RAB15: variants seen among roughly 807,000 people sequenced by gnomAD.
RAB15 encodes ras-related protein Rab-15.
In RAB15, 13 loss-of-function variants were observed where a neutral mutation model predicts 31.8. The ratio of observed to expected loss-of-function variants is 0.41; its 90% confidence interval spans 0.27 to 0.65. RAB15 has a LOEUF of 0.65. RAB15 is among the 30% of genes least tolerant of loss of function. The pLI is 0.32. For synonymous variants in RAB15, 100 were observed against 105.6 expected, an observed-to-expected ratio of 0.95 and a Z score of 0.33; for missense variants, 220 against 277.3, an observed-to-expected ratio of 0.79 and a Z score of 1.47.
chr14:64,963,109 CTTTTTTTTTTTT>C (rs1165246293), intron 1 of RAB15, among the ~76,000 whole-genome samples: 5 of 96,402 alleles, frequency 5.2e-5, no homozygotes, highest in South Asian at 3.6e-4. Flanking sequence ...CCCTTCCCCA[CTTTTTTTTTTTT>C]TTTTTTTTTT....
rs1886338990 is a variant in RAB15 at position 64,952,898 on chromosome 14, G to C, written c.125-327C>G. ...ATGTCTCGTTCTAGTCATGTGTGAA[G>C]TCTTCCTATTTATACTTCTGGAGAG... On this transcript the variant is annotated intron_variant, in intron 1 of 6. Coordinates refer to ENST00000533601, the MANE Select transcript of RAB15 (RefSeq NM_001308154.2). The surrounding 1 kb of genome is among the most constrained non-coding windows in gnomAD (Gnocchi z 4.2). 6.6e-6 allele frequency among the ~76,000 whole-genome samples: 1 copy of C among 152,222 alleles called. No individual in the cohort carries two copies. Among genetic ancestry groups the C allele is most frequent in the African/African-American group, 2.4e-5 (1 of 41,442 alleles).
rs1275921105 is a variant in RAB15 at position 64,953,219 on chromosome 14, T to C, written c.125-648A>G. Among the ~76,000 whole-genome samples, 1 of 152,204 alleles carries C rather than the reference T, an allele frequency of 6.6e-6. No individual in the cohort carries two copies. The highest frequency in any genetic ancestry group is 6.5e-5 in the Admixed American group (1 of 15,282). On this transcript the variant is annotated intron_variant, in intron 1 of 6. Coordinates refer to ENST00000533601, the MANE Select transcript of RAB15 (RefSeq NM_001308154.2). The surrounding 1 kb of genome is among the most constrained non-coding windows in gnomAD (Gnocchi z 4.6). ...ATGGGCTTTGGTGTCAGGCCTGAGC[T>C]TATCTCCTCCCTCTGGCCACTCATA...
At position 64,971,890 on chromosome 14, in the gene RAB15, G is replaced by A. The variant is rs573684753; in HGVS notation, c.124+63C>T. On this transcript the variant is annotated intron_variant, in intron 1 of 6. Coordinates refer to ENST00000533601, the MANE Select transcript of RAB15 (RefSeq NM_001308154.2). The surrounding 1 kb of genome is among the most constrained non-coding windows in gnomAD (Gnocchi z 4.1). ...GGCAATTCCTCCCCAGCTGGGGACGGGGGCGGCGGGGAAAGGGGCCGCGGG... is the reference window on the plus strand; with the variant it reads ...GGCAATTCCTCCCCAGCTGGGGACGAGGGCGGCGGGGAAAGGGGCCGCGGG... 9.7e-5 allele frequency: 143 copies of A among 1,478,920 alleles called. 3 individuals are homozygous for A. In the South Asian group the frequency reaches 1.6e-3, roughly 16 times the overall value. The allele number at this position is 1,478,920 out of a possible 1,614,324, so 91.6% of individuals were successfully genotyped here.
chr14:64,950,295 G>A lies in RAB15; in HGVS notation c.414+30C>T. On this transcript the variant is annotated intron_variant, in intron 5 of 6. Coordinates refer to ENST00000533601, the MANE Select transcript of RAB15 (RefSeq NM_001308154.2). The surrounding 1 kb of genome is among the most constrained non-coding windows in gnomAD (Gnocchi z 5.6). ...GCCCTGGAGGCCCAGCAGAGGACCT[G>A]GGGTGGACTTGCCTTTTCCCTCCAC... 6.3e-7 allele frequency: 1 copy of A among 1,579,684 alleles called. No homozygotes were observed. The highest frequency in any genetic ancestry group is 8.7e-7 in the Non-Finnish European group (1 of 1,149,200).
chr14:64,952,490 T>G lies in RAB15; in HGVS notation c.185+21A>C, dbSNP rs986782167. The G allele has an allele frequency of 2.9e-5, 45 of 1,577,984 alleles. No individual in the cohort carries two copies. Among genetic ancestry groups the G allele is most frequent in the Non-Finnish European group, 3.8e-5 (44 of 1,149,702 alleles). ...GAAGTCCTCTTCTCCTACATCTGCC[T>G]CCTCCTCCTCCCCAGCTCACCAGAT... On this transcript the variant is annotated intron_variant, in intron 2 of 6. Transcript: ENST00000533601. This position sits in a 1 kb window ranked among gnomAD's most constrained non-coding sequence, Gnocchi z 4.2.
intron 1 of RAB15, among the ~76,000 whole-genome samples, chr14:64,963,109 CTTTTTTTTTTT>C (rs1165246293): frequency 3.1e-5 from 3 of 96,400 alleles, no homozygotes; most frequent in Admixed American, 1.1e-4. Context: ...CCCTTCCCCA[CTTTTTTTTTTT>C]TTTTTTTTTT....
chr14:64,962,910 A>C lies in RAB15; in HGVS notation c.124+9043T>G. On this transcript the variant is annotated intron_variant, in intron 1 of 6. Transcript: ENST00000533601. This position sits in a 1 kb window ranked among gnomAD's most constrained non-coding sequence, Gnocchi z 4.2. ...TTCAATAGCACTTACACTTGTCTGG[A>C]GGCGTGAACCTGAAGAATACACCAA... Among the ~76,000 whole-genome samples the C allele has an allele frequency of 6.6e-6, 1 of 152,110 alleles. No individual in the cohort carries two copies. Among genetic ancestry groups the C allele is most frequent in the East Asian group, 1.9e-4 (1 of 5,192 alleles).
In RAB15 at chr14:64,955,916, G is replaced by C. The variant is rs1412460963; in HGVS notation, c.125-3345C>G. Among the ~76,000 whole-genome samples the C allele has an allele frequency of 6.6e-6, 1 of 152,178 alleles. No individual in the cohort carries two copies. The highest frequency in any genetic ancestry group is 1.9e-4 in the East Asian group (1 of 5,192). ...TAAGGTCATATTTCTCAAACTTCCA[G>C]GTGCATGAGAATCACGCGGGGATTG... On this transcript the variant is annotated intron_variant, in intron 1 of 6. Transcript: ENST00000533601. The surrounding 1 kb of genome is among the most constrained non-coding windows in gnomAD (Gnocchi z 4.4).
intron 1 of RAB15, among the ~76,000 whole-genome samples, chr14:64,967,386 A>C (rs889501048): frequency 5.3e-5 from 8 of 152,172 alleles, no homozygotes; most frequent in African/African-American, 1.9e-4. Context: ...CAGGAGTTCG[A>C]GACCAGCCTG....
chr14:64,948,382 G>C lies in RAB15; in HGVS notation c.611C>G (p.Ala204Gly). ...GCACCAGCAGGTTTTCGAAGAGTTC[G>C]CTGGGCCCTCGGGTTTGCCCTCCTC... Reference protein sequence around the residue: ...EEEEGKPEGPANSSKTCWC With the variant: ...EEEEGKPEGPGNSSKTCWC Residue 204 changes from alanine to glycine, a missense_variant, in exon 7 of 7, where the codon GCG becomes GGG. Transcript: ENST00000533601. This position sits in a 1 kb window ranked among gnomAD's most constrained non-coding sequence, Gnocchi z 7.0. 3 of 1,601,578 alleles carry C rather than the reference G, an allele frequency of 1.9e-6. No homozygotes were observed. The highest frequency in any genetic ancestry group is 2.6e-6 in the Non-Finnish European group (3 of 1,175,452).
rs1887384678 is a variant in RAB15, at chr14:64,970,929, G to C, written c.124+1024C>G. 6.6e-6 allele frequency among the ~76,000 whole-genome samples: 1 copy of C among 152,156 alleles called. No homozygotes were observed. ...ATGGTGTGGACATGAATCCTCAAGA[G>C]GAAGCTGAGAGCTGGTGCCCATCCC... is the stretch of plus-strand genomic sequence containing the variant. On this transcript the variant is annotated intron_variant, in intron 1 of 6. Transcript: ENST00000533601. This position sits in a 1 kb window ranked among gnomAD's most constrained non-coding sequence, Gnocchi z 4.1.
Position 64,946,888 on chromosome 14 carries a change from G to A in RAB15, c.*1466C>T, listed in dbSNP as rs3759681. 0.31 allele frequency: 47,526 copies of A among 152,346 alleles called. 7,974 individuals carry two copies. Among genetic ancestry groups the A allele is most frequent in the East Asian group, 0.65 (3,367 of 5,146 alleles). The allele number at this position is 152,346 out of a possible 1,614,324, so 9.4% of individuals were successfully genotyped here. On this transcript the variant is annotated 3_prime_UTR_variant, in exon 7 of 7. Coordinates refer to ENST00000533601, the MANE Select transcript of RAB15 (RefSeq NM_001308154.2). The stretch of plus-strand genomic sequence containing the variant: ...GTTCCGTCTTTAAAGGGCCTCCTAC[G>A]AGCTACTCTTGGGCCATATGGGGTT...
rs1886185443 is a variant in RAB15 at position 64,950,434 on chromosome 14, A to G, written c.325-20T>C. The G allele has an allele frequency of 6.3e-7, 1 of 1,599,250 alleles. No homozygotes were observed. The highest frequency in any genetic ancestry group is 1.7e-5 in the Admixed American group (1 of 59,986). ...TGCGTACTAGGGACAAAGGATGGGC[A>G]GAACAGCCAGTGAGTGCTGCCTGCC... On this transcript the variant is annotated intron_variant, in intron 4 of 6. Transcript: ENST00000533601. This position sits in a 1 kb window ranked among gnomAD's most constrained non-coding sequence, Gnocchi z 5.6.
rs1886506599 is a variant in RAB15, at chr14:64,955,579, A to T, written c.125-3008T>A. On this transcript the variant is annotated intron_variant, in intron 1 of 6. Transcript: ENST00000533601. The surrounding 1 kb of genome is among the most constrained non-coding windows in gnomAD (Gnocchi z 4.4). ...TGTGTTCACCTATCACTGTCCCCCCACTGAAGACTTCAGCTCCAGGGCACC... is the reference window on the plus strand; with the variant it reads ...TGTGTTCACCTATCACTGTCCCCCCTCTGAAGACTTCAGCTCCAGGGCACC... 6.6e-6 allele frequency among the ~76,000 whole-genome samples: 1 copy of T among 151,786 alleles called. No individual in the cohort carries two copies. Among genetic ancestry groups the T allele is most frequent in the South Asian group, 2.1e-4 (1 of 4,814 alleles).
chr14:64,971,946 C>G lies in RAB15; in HGVS notation c.124+7G>C. The G allele has an allele frequency of 6.4e-7, 1 of 1,564,564 alleles. No individual in the cohort carries two copies. Among genetic ancestry groups the G allele is most frequent in the East Asian group, 2.4e-5 (1 of 41,610 alleles). On this transcript the variant is annotated splice_region_variant and intron_variant, in intron 1 of 6. Transcript: ENST00000533601. This position sits in a 1 kb window ranked among gnomAD's most constrained non-coding sequence, Gnocchi z 4.1. ...AGGGAGGGGCGCCCCGGGCCACCGC[C>G]CCTTACCGATGGTGGAGATGTGCGA...
At chr14:64,957,767 T>C (rs1440948770) in intron 1 of RAB15, among the ~76,000 whole-genome samples, 2 of 152,052 alleles carry the variant, frequency 1.3e-5, no homozygotes, top group Admixed American at 6.5e-5. Flanking sequence ...CCACCCAGGG[T>C]ATGCTTCACT....
In RAB15 at chr14:64,955,524, C is replaced by A. The variant is rs1233832159; in HGVS notation, c.125-2953G>T. Among the ~76,000 whole-genome samples the A allele has an allele frequency of 6.6e-6, 1 of 152,236 alleles. No homozygotes were observed. The highest frequency in any genetic ancestry group is 1.5e-5 in the Non-Finnish European group (1 of 68,042). On this transcript the variant is annotated intron_variant, in intron 1 of 6. Transcript: ENST00000533601. The surrounding 1 kb of genome is among the most constrained non-coding windows in gnomAD (Gnocchi z 4.4). ...GCTTTCTCACCTTGGCCAGCCCTCG[C>A]AGCTGCTTAGCAAACTGTTTATTCA...
chr14:64,953,823 G>T lies in RAB15; in HGVS notation c.125-1252C>A. 1.0e-6 allele frequency: 1 copy of T among 985,360 alleles called. No individual in the cohort carries two copies. The highest frequency in any genetic ancestry group is 1.2e-6 in the Non-Finnish European group (1 of 829,892). 61.0% of individuals were successfully genotyped at this position (985,360 alleles called of 1,614,324 possible). A position where few individuals can be genotyped will look rare whatever the true frequency, so the allele number is the denominator to read the frequency against. The stretch of plus-strand genomic sequence containing the variant: ...ACTCCCTGGAGCAAGGTCAGGAGTG[G>T]GCATGATCAGCCACAGTTTTCAGAT... On this transcript the variant is annotated intron_variant, in intron 1 of 6. Coordinates refer to ENST00000533601, the MANE Select transcript of RAB15 (RefSeq NM_001308154.2). The surrounding 1 kb of genome is among the most constrained non-coding windows in gnomAD (Gnocchi z 4.6).
rs1371462846 is a variant in RAB15 at position 64,951,521 on chromosome 14, G to A, written c.246+82C>T. ...CAGGCGAACTGTATTTAGGGGATCC[G>A]TGGCACAGACATCTCAAATACCCAG... On this transcript the variant is annotated intron_variant, in intron 3 of 6. Coordinates refer to ENST00000533601, the MANE Select transcript of RAB15 (RefSeq NM_001308154.2). The surrounding 1 kb of genome is among the most constrained non-coding windows in gnomAD (Gnocchi z 7.2). 1.3e-5 allele frequency: 17 copies of A among 1,268,020 alleles called. No individual in the cohort carries two copies. In the Admixed American group the frequency reaches 1.7e-4, roughly 13 times the overall value. The allele number at this position is 1,268,020 out of a possible 1,614,324, so 78.5% of individuals were successfully genotyped here.
Sources: allele counts gnomAD v4.1 joint callset (sites outside exome capture counted in the v4.1 genomes callset), GRCh38; gene constraint gnomAD v4.1.1; non-coding constraint Gnocchi (gnomAD v3.1); transcripts MANE v1.5; gene names NCBI Gene and HGNC (gene_info 2026-07-23, HGNC 2026-07-21).